Variants in CACNA1D observed in about 807,000 individuals in gnomAD.
CACNA1D encodes the protein voltage-dependent L-type calcium channel subunit alpha-1D.
CACNA1D carries 55 observed loss-of-function variants against 257.1 expected under a neutral mutation model. The ratio of observed to expected loss-of-function variants is 0.21; its 90% CI spans 0.17 to 0.27. The LOEUF (loss-of-function observed/expected upper bound fraction) is 0.27. Among genes scored for constraint, CACNA1D ranks in the 10% least tolerant of loss-of-function variants. CACNA1D has a pLI of 1.00. For missense variants in CACNA1D, 1,876 were observed against 2,784.0 expected, an observed-to-expected ratio of 0.67 and a Z score of 7.34; for synonymous variants, 980 against 1,014.9, an observed-to-expected ratio of 0.97 and a Z score of 0.65.
At chr3:53,617,734 G>T (rs1461680917) in intron 3 of CACNA1D, among the ~76,000 whole-genome samples, 1 of 152,166 alleles carries the variant, frequency 6.6e-6, no homozygotes, top group African/African-American at 2.4e-5. Flanking sequence ...GCCCAACCAA[G>T]TGCTAGATGC....
At chr3:53,735,986 A>G (rs955986995) in intron 20 of CACNA1D, among the ~76,000 whole-genome samples, 2 of 152,146 alleles carry the variant, frequency 1.3e-5, no homozygotes, top group Admixed American at 6.5e-5. Context: ...GCTAGGCTCC[A>G]CGACTCAGGA....
intron 7 of CACNA1D, among the ~76,000 whole-genome samples, chr3:53,670,823 G>A (rs1050636878): frequency 9.9e-5 from 15 of 152,192 alleles, no homozygotes; most frequent in African/African-American, 3.6e-4. Flanking sequence ...AAAATCCCAA[G>A]CAGTCTCTAT....
intron 10 of CACNA1D, 60 bp downstream of exon 10, chr3:53,718,448 G>A (rs2094843670): frequency 1.3e-6 from 2 of 1,492,352 alleles, no homozygotes; most frequent in African/African-American, 1.4e-5. Context: ...AGCAGGTGGT[G>A]AGGAAGACCG....
chr3:53,767,447 T>C (rs2095339740), intron 30 of CACNA1D, among the ~76,000 whole-genome samples: 1 of 151,778 alleles, frequency 6.6e-6, no homozygotes. Flanking sequence ...GCGCCTGTTA[T>C]CCCAGCTACT....
At chr3:53,534,358 C>T (rs2092047961) in intron 3 of CACNA1D, among the ~76,000 whole-genome samples, 1 of 152,252 alleles carries the variant, frequency 6.6e-6, no homozygotes. Context: ...TTATCTCCTC[C>T]AGCCTTGTAC....
At chr3:53,651,361 A>ATTTTTTTTTTTTTT (rs1576235107) in intron 4 of CACNA1D, among the ~76,000 whole-genome samples, 10 of 57,154 alleles carry the variant, frequency 1.7e-4, no homozygotes, top group African/African-American at 7.9e-4. Context: ...AAAGCTATTA[A>ATTTTTTTTTTTTTT]TTTTCTTTTT....
chr3:53,774,684 T>A lies in CACNA1D; in HGVS notation c.4202+6T>A. The A allele has an allele frequency of 6.3e-7, 1 of 1,586,072 alleles. No homozygotes were observed. Among genetic ancestry groups the A allele is most frequent in the Non-Finnish European group, 8.7e-7 (1 of 1,154,514 alleles). On this transcript the variant is annotated splice_donor_region_variant and intron_variant, in intron 34 of 47. Transcript: ENST00000350061. The surrounding 1 kb of genome is among the most constrained non-coding windows in gnomAD (Gnocchi z 4.3). ...GCGGTGCTGCTGCTCTTCAGGTGAC[T>A]GCAACTGGCTTGGGCGGTGCTCCTG...
At chr3:53,581,975 G>A (rs1401156516) in intron 3 of CACNA1D, among the ~76,000 whole-genome samples, 1 of 152,134 alleles carries the variant, frequency 6.6e-6, no homozygotes, top group East Asian at 1.9e-4. Flanking sequence ...AAGTTATGCT[G>A]ATTTCTACAT....
intron 3 of CACNA1D, among the ~76,000 whole-genome samples, chr3:53,632,861 A>G (rs1020340964): frequency 6.6e-6 from 1 of 152,256 alleles, no homozygotes; most frequent in African/African-American, 2.4e-5. Flanking sequence ...CCAAACAATT[A>G]CAATAGTAAC....
chr3:53,686,165 A>T (rs534677642), intron 8 of CACNA1D, among the ~76,000 whole-genome samples: 112 of 152,260 alleles, frequency 7.4e-4, no homozygotes, highest in Middle Eastern at 6.8e-3. Context: ...GGAGAGTCCT[A>T]TATTTGCCTT....
rs1279886402 is a variant in CACNA1D at position 53,640,682 on chromosome 3, T to C, written c.484-10097T>C. Among the ~76,000 whole-genome samples, 4 of 152,264 alleles carry C rather than the reference T, an allele frequency of 2.6e-5. No homozygotes were observed. In the East Asian group the frequency reaches 7.7e-4, roughly 29 times the overall value. Reference sequence around the variant, plus strand: ...GTTGGTGCTCAATTGTTTGTTGATATGATTTACCTTCATGATGACATGTCA... The same window carrying C: ...GTTGGTGCTCAATTGTTTGTTGATACGATTTACCTTCATGATGACATGTCA... On this transcript the variant is annotated intron_variant, in intron 3 of 47. Coordinates refer to ENST00000350061, the MANE Select transcript of CACNA1D (RefSeq NM_001128840.3).
In CACNA1D at chr3:53,724,005, T is replaced by C. The variant is rs781103872; in HGVS notation, c.2100+6T>C. 7 of 1,609,702 alleles carry C rather than the reference T, an allele frequency of 4.3e-6. No individual in the cohort carries two copies. The highest frequency in any genetic ancestry group is 1.1e-5 in the South Asian group (1 of 90,982). ...CACTTCTCACAGTGTTCCAGGTGAG[T>C]CCTCCCTCCATTCCCCGAAAAGCAC... is the stretch of plus-strand genomic sequence containing the variant. On this transcript the variant is annotated splice_donor_region_variant and intron_variant, in intron 14 of 47. Transcript: ENST00000350061.
intron 35 of CACNA1D, 21 bp downstream of exon 35, chr3:53,776,066 C>T (rs747533277): frequency 3.7e-5 from 60 of 1,608,428 alleles, no homozygotes; most frequent in Non-Finnish European, 4.8e-5. Context: ...AACACAGCTC[C>T]CCCTCTCAAT....
At chr3:53,519,213 G>A (rs758878705) in intron 3 of CACNA1D, among the ~76,000 whole-genome samples, 4 of 152,204 alleles carry the variant, frequency 2.6e-5, no homozygotes, top group Non-Finnish European at 4.4e-5. Context: ...TGATGCAATC[G>A]TAGAAGTCAC....
At chr3:53,738,464 G>GTCATT (rs2108802209) in intron 20 of CACNA1D, among the ~76,000 whole-genome samples, 1 of 152,244 alleles carries the variant, frequency 6.6e-6, no homozygotes, top group South Asian at 2.1e-4. Flanking sequence ...AGACCTCTGT[G>GTCATT]TCATTTCATT....
At chr3:53,780,223 G>C in intron 38 of CACNA1D, 95 bp downstream of exon 38, 2 of 1,008,856 alleles carry the variant, frequency 2.0e-6, no homozygotes, top group African/African-American at 3.1e-5. Flanking sequence ...TCTTGGCCAA[G>C]GGGAGGCCCT....
chr3:53,660,876 C>T (rs1465391627), intron 5 of CACNA1D, among the ~76,000 whole-genome samples: 2 of 152,118 alleles, frequency 1.3e-5, no homozygotes, highest in African/African-American at 4.8e-5. Context: ...AGGGAGAGCC[C>T]CTAACAGGAT....
chr3:53,687,627 A>G (rs918690150), intron 8 of CACNA1D, among the ~76,000 whole-genome samples: 1 of 152,198 alleles, frequency 6.6e-6, no homozygotes, highest in African/African-American at 2.4e-5. Flanking sequence ...TCTAATTAAA[A>G]AGCTAAACAT....
chr3:53,763,689 C>T (rs1436005399), intron 30 of CACNA1D, among the ~76,000 whole-genome samples: 1 of 152,212 alleles, frequency 6.6e-6, no homozygotes, highest in African/African-American at 2.4e-5. Context: ...CCCAGACAGC[C>T]TGCATCACAC....
Sources: allele counts gnomAD v4.1 joint callset (sites outside exome capture counted in the v4.1 genomes callset), GRCh38; gene constraint gnomAD v4.1.1; non-coding constraint Gnocchi (gnomAD v3.1); transcripts MANE v1.5; gene names NCBI Gene and HGNC (gene_info 2026-07-23, HGNC 2026-07-21).